The following SMAP2 variants were observed in gnomAD, a reference collection of about 807,000 sequenced individuals.
SMAP2 encodes the protein small ArfGAP2.
SMAP2 carries 25 observed loss-of-function variants against 56.4 expected under a neutral mutation model. The ratio of observed to expected loss-of-function variants is 0.44; its 90% confidence interval spans 0.32 to 0.62. The LOEUF is 0.62. Among genes scored for constraint, SMAP2 ranks in the 20% least tolerant of loss-of-function variants. SMAP2 has a pLI of 0.04. For missense variants in SMAP2, 388 were observed against 545.6 expected (o/e 0.71, Z 2.88); for synonymous variants, 157 against 181.7 (o/e 0.86, Z 1.09).
intron 1 of SMAP2, among the ~76,000 whole-genome samples, chr1:40,380,529 C>CTTTTTTTTTTTTTTTTTTTTTT (rs370625950): frequency 1.4e-5 from 2 of 142,878 alleles, no homozygotes; most frequent in African/African-American, 2.6e-5. Flanking sequence ...ATCTGTGGCA[C>CTTTTTTTTTTTTTTTTTTTTTT]TTTTTTTTTT....
intron 1 of SMAP2, chr1:40,345,019 AG>A (rs1215936081): frequency 6.9e-6 from 1 of 144,886 alleles, no homozygotes; most frequent in African/African-American, 2.6e-5. Flanking sequence ...TGTAGTTGTG[AG>A]AGGAGTTTCT....
intron 1 of SMAP2, among the ~76,000 whole-genome samples, chr1:40,406,335 T>C (rs1044412836): frequency 6.6e-6 from 1 of 152,242 alleles, no homozygotes; most frequent in Non-Finnish European, 1.5e-5. Context: ...TGCCCACTTA[T>C]TATATAATTC....
chr1:40,356,201 C>G (rs757859812), intron 1 of SMAP2, among the ~76,000 whole-genome samples: 1 of 152,124 alleles, frequency 6.6e-6, no homozygotes, highest in Non-Finnish European at 1.5e-5. Flanking sequence ...ATTGTATGTA[C>G]GTACCACATT....
At chr1:40,393,454 A>G in intron 1 of SMAP2, 16 of 1,534,934 alleles carry the variant, frequency 1.0e-5, no homozygotes, top group Non-Finnish European at 1.4e-5. Context: ...GCACAAAAAG[A>G]TGTTTTGCAA....
chr1:40,416,241 G>A lies in SMAP2; in HGVS notation c.747G>A (p.Pro249=), dbSNP rs374427456. ...GSVPENLNLF[P]EPGSKSEEIG... is the part of the protein sequence containing the mutation. Reference sequence around the variant, plus strand: ...TTCCTGAAAATCTGAACCTGTTTCCGGAGCCAGGGAGCAAATCAGAAGAAA... The same window carrying A: ...TTCCTGAAAATCTGAACCTGTTTCCAGAGCCAGGGAGCAAATCAGAAGAAA... Residue 249 remains proline (P), a synonymous_variant, in exon 8 of 10, where the codon CCG becomes CCA. Coordinates refer to ENST00000372718, the MANE Select transcript of SMAP2 (RefSeq NM_022733.3). 1.6e-5 allele frequency: 26 copies of A among 1,613,848 alleles called. No individual in the cohort carries two copies. Among genetic ancestry groups the A allele is most frequent in the South Asian group, 6.6e-5 (6 of 91,082 alleles).
chr1:40,383,276 G>A (rs187908556), intron 1 of SMAP2, among the ~76,000 whole-genome samples: 1 of 152,330 alleles, frequency 6.6e-6, no homozygotes, highest in East Asian at 1.9e-4. Flanking sequence ...GTGGCAGCTG[G>A]AAGTAGGCCG....
chr1:40,410,665 T>G (rs1644926284), intron 4 of SMAP2, among the ~76,000 whole-genome samples: 1 of 152,132 alleles, frequency 6.6e-6, no homozygotes, highest in African/African-American at 2.4e-5. Flanking sequence ...GGCTACCAGT[T>G]GCCAAGAACA....
In SMAP2 at chr1:40,365,590, G is replaced by A. The variant is rs1481820797; in HGVS notation, c.55+3154G>A. Among the ~76,000 whole-genome samples, 5 of 152,170 alleles carry A rather than the reference G, an allele frequency of 3.3e-5. 1 individual carries two copies. The highest frequency in any genetic ancestry group is 4.1e-4 in the South Asian group (2 of 4,832). On this transcript the variant is annotated intron_variant, in intron 2 of 6. Transcript: ENST00000435168. ...GTCTACAGCTCCCAGCGTGACCGAC[G>A]CAGAAGACCGGTGATTTCTGCATTT...
intron 9 of SMAP2, among the ~76,000 whole-genome samples, chr1:40,417,880 A>G (rs1645005193): frequency 6.6e-6 from 1 of 152,232 alleles, no homozygotes; most frequent in African/African-American, 2.4e-5. Flanking sequence ...TTAATCTAAG[A>G]AATTTAGTAA....
chr1:40,393,720 A>AT (rs1644741290), intron 1 of SMAP2, among the ~76,000 whole-genome samples: 1 of 151,610 alleles, frequency 6.6e-6, no homozygotes, highest in Non-Finnish European at 1.5e-5. Context: ...TAATTTTTGT[A>AT]TTTTTAGTAG....
At chr1:40,391,258 C>G (rs1209414544) in intron 1 of SMAP2, among the ~76,000 whole-genome samples, 2 of 152,182 alleles carry the variant, frequency 1.3e-5, no homozygotes, top group Non-Finnish European at 2.9e-5. Context: ...TGTTATTCCA[C>G]TATTGCTTAT....
intron 1 of SMAP2, among the ~76,000 whole-genome samples, chr1:40,391,621 A>G (rs548702418): frequency 9.9e-4 from 151 of 152,168 alleles, no homozygotes; most frequent in African/African-American, 3.4e-3. Context: ...TTCCTAGGGG[A>G]AAAAAATTCC....
intron 1 of SMAP2, among the ~76,000 whole-genome samples, chr1:40,358,021 A>G (rs1157685503): frequency 6.6e-6 from 1 of 152,076 alleles, no homozygotes; most frequent in African/African-American, 2.4e-5. Context: ...TGCTTTAGGC[A>G]ATATGAATAT....
At chr1:40,361,764 G>A (rs901175013) in intron 1 of SMAP2, among the ~76,000 whole-genome samples, 1 of 152,190 alleles carries the variant, frequency 6.6e-6, no homozygotes, top group African/African-American at 2.4e-5. Context: ...GGGAAAGGAA[G>A]AGGGGGAAGG....
intron 1 of SMAP2, among the ~76,000 whole-genome samples, chr1:40,377,557 T>G (rs1179151704): frequency 1.3e-5 from 2 of 152,156 alleles, no homozygotes; most frequent in African/African-American, 4.8e-5. Context: ...TAATGTGACT[T>G]TTAGGGTGAA....
At chr1:40,416,686 G>T in intron 8 of SMAP2, 94 bp from the exon 9 acceptor site, 1 of 1,294,858 alleles carries the variant, frequency 7.7e-7, no homozygotes, top group Non-Finnish European at 1.1e-6. Flanking sequence ...GTAATCCTGA[G>T]AAATTCCAGC....
At chr1:40,353,522 C>T (rs1031929649) in intron 1 of SMAP2, among the ~76,000 whole-genome samples, 1 of 152,086 alleles carries the variant, frequency 6.6e-6, no homozygotes, top group African/African-American at 2.4e-5. Context: ...GCATTTGCCA[C>T]CATGCCCGGC....
At chr1:40,379,739 C>G (rs992795977) in intron 1 of SMAP2, among the ~76,000 whole-genome samples, 1 of 151,930 alleles carries the variant, frequency 6.6e-6, no homozygotes, top group Non-Finnish European at 1.5e-5. Flanking sequence ...ACCATGTTGT[C>G]CAGGCTGGTC....
chr1:40,371,387 A>G (rs1228046970), upstream of SMAP2, among the ~76,000 whole-genome samples: 1 of 152,218 alleles, frequency 6.6e-6, no homozygotes, highest in Non-Finnish European at 1.5e-5. Flanking sequence ...ATGATAATAA[A>G]AAGAGCTAAT....
Sources: allele counts gnomAD v4.1 joint callset (sites outside exome capture counted in the v4.1 genomes callset), GRCh38; gene constraint gnomAD v4.1.1; transcripts MANE v1.5; gene names NCBI Gene and HGNC (gene_info 2026-07-23, HGNC 2026-07-21).